The following SHANK1 variants were observed in gnomAD, a reference collection of about 807,000 sequenced individuals.
SHANK1 encodes SH3 and multiple ankyrin repeat domains protein 1.
In SHANK1, 35 loss-of-function variants were observed where a neutral mutation model predicts 165.6. The ratio of observed to expected loss-of-function variants is 0.21; its 90% CI spans 0.16 to 0.28. The LOEUF is 0.28. Ranked by LOEUF, SHANK1 falls within the 10% of genes least tolerant of loss-of-function variation. The probability of loss-of-function intolerance (pLI) is 1.00; values close to 1 mark genes in which losing one functional copy is unlikely to be tolerated. For synonymous variants in SHANK1, 1,428 were observed against 1,384.8 expected (o/e 1.03, Z -0.69); for missense variants, 2,681 against 3,036.4 (o/e 0.88, Z 2.75).
Position 50,686,410 on chromosome 19 carries a change from G to T in SHANK1, c.2459-55C>A. Reference sequence around the variant, plus strand: ...AAGACAATGAAATGAAGTTTGCTTTGACCCGGGCCGCAAAGACCAGAGCTG... The same window carrying T: ...AAGACAATGAAATGAAGTTTGCTTTTACCCGGGCCGCAAAGACCAGAGCTG... On this transcript the variant is annotated intron_variant, in intron 20 of 23. Transcript: ENST00000293441. This position sits in a 1 kb window ranked among gnomAD's most constrained non-coding sequence, Gnocchi z 5.7. The T allele has an allele frequency of 7.6e-7, 1 of 1,313,886 alleles. No homozygotes were observed. The highest frequency in any genetic ancestry group is 1.4e-5 in the South Asian group (1 of 72,562). 81.4% of individuals were successfully genotyped at this position (1,313,886 alleles called of 1,614,324 possible). A position where few individuals can be genotyped will look rare whatever the true frequency, so the allele number is the denominator to read the frequency against.
In SHANK1 at chr19:50,689,240, C is replaced by T; in HGVS notation, c.2004G>A (p.Lys668=). ...IIKEKTVLLQ[K]KDSEGFGFVL... ...CGAACCCAAACCCCTCACTGTCCTT[C>T]TTCTGCAGCAAGACTGTCTTCTCCT... Residue 668 remains lysine (K), a synonymous_variant, in exon 16 of 24, where the codon AAG becomes AAA. Coordinates refer to ENST00000293441, the MANE Select transcript of SHANK1 (RefSeq NM_016148.5). 1 of 1,612,284 alleles carries T rather than the reference C, an allele frequency of 6.2e-7. No homozygotes were observed. Among genetic ancestry groups the T allele is most frequent in the Non-Finnish European group, 8.5e-7 (1 of 1,179,098 alleles).
intron 8 of SHANK1, chr19:50,711,015 C>T (rs899983877): frequency 2.6e-5 from 5 of 191,956 alleles, no homozygotes; most frequent in Non-Finnish European, 5.4e-5. Context: ...AAGCCCAGTC[C>T]CAGATGTGGG....
Position 50,662,774 on chromosome 19 carries a change from AGAG to A in SHANK1, c.5769-95_5769-93del, listed in dbSNP as rs1285913847. ...GAGGCAGAGGTCAAGATATAGGGAG[AGAG>A]GAGGAGAGACATAAGGGTAGGGGGA... On this transcript the variant is annotated intron_variant, in intron 23 of 23. Transcript: ENST00000293441. This position sits in a 1 kb window ranked among gnomAD's most constrained non-coding sequence, Gnocchi z 7.7. 12 of 1,368,938 alleles carry A rather than the reference AGAG, an allele frequency of 8.8e-6. No individual in the cohort carries two copies. Among genetic ancestry groups the A allele is most frequent in the Middle Eastern group, 2.3e-4 (1 of 4,302 alleles). The allele number at this position is 1,368,938 out of a possible 1,614,324, so 84.8% of individuals were successfully genotyped here. A position where few individuals can be genotyped will look rare whatever the true frequency, so the allele number is the denominator to read the frequency against.
chr19:50,719,149 G>A (rs2089104514), intron 1 of SHANK1, among the ~76,000 whole-genome samples: 1 of 150,968 alleles, frequency 6.6e-6, no homozygotes, highest in East Asian at 2.0e-4. Flanking sequence ...GGCGGGTTCG[G>A]GATAGGGGCT....
intron 21 of SHANK1, among the ~76,000 whole-genome samples, chr19:50,674,441 C>G (rs181968902): frequency 5.3e-5 from 8 of 152,310 alleles, no homozygotes; most frequent in East Asian, 1.9e-4. Context: ...CACTATACCC[C>G]CTCCTGCCTC....
intron 15 of SHANK1, among the ~76,000 whole-genome samples, chr19:50,692,441 G>T (rs1986567581): frequency 7.6e-6 from 1 of 131,220 alleles, no homozygotes; most frequent in Admixed American, 7.3e-5. Flanking sequence ...TCAAAGCCAA[G>T]ATTTGAATTC....
intron 23 of SHANK1, among the ~76,000 whole-genome samples, chr19:50,665,890 G>A (rs971503291): frequency 3.5e-5 from 4 of 115,114 alleles, no homozygotes; most frequent in African/African-American, 1.2e-4. Flanking sequence ...AAAATTAGCT[G>A]GGTGTGGTGG....
At chr19:50,687,032 A>T in intron 19 of SHANK1, 1 of 1,484,962 alleles carries the variant, frequency 6.7e-7, no homozygotes, top group Non-Finnish European at 8.9e-7. Flanking sequence ...TTCTTCTTCC[A>T]GGGGGAGACT....
rs967090612 is a variant in SHANK1, at chr19:50,666,789, A to T, written c.5171T>A (p.Leu1724His). 19 of 1,551,214 alleles carry T rather than the reference A, an allele frequency of 1.2e-5. No homozygotes were observed. The Middle Eastern group carries it at 1.5e-3, about 125-fold the overall frequency. Reference sequence around the variant, plus strand: ...CAGGTAGGCCACATAGGTGTCCAGAAGCTCCGGCCCACTGGCCACACCGGC... The same window carrying T: ...CAGGTAGGCCACATAGGTGTCCAGATGCTCCGGCCCACTGGCCACACCGGC... ...AGAGVASGPE[L>H]LDTYVAYLDG... Residue 1724 changes from leucine (L) to histidine (H), a missense_variant, in exon 23 of 24, where the codon CTT (leucine) becomes CAT (histidine). Around this residue, in one of 10 missense-constraint regions of SHANK1, gnomAD observed 1,713 missense variants for 1,630.2 expected, o/e 1.05. Coordinates refer to ENST00000293441, the MANE Select transcript of SHANK1 (RefSeq NM_016148.5).
chr19:50,662,707 G>T lies in SHANK1; in HGVS notation c.5769-25C>A. The T allele has an allele frequency of 6.4e-7, 1 of 1,555,354 alleles. No individual in the cohort carries two copies. Among genetic ancestry groups the T allele is most frequent in the South Asian group, 1.2e-5 (1 of 84,298 alleles). ...TCTGGAATGTGACAAGGGGGCAGTG[G>T]GGGAGGACAGGGATTTAGGGGGCAA... is the stretch of plus-strand genomic sequence containing the variant. On this transcript the variant is annotated intron_variant, in intron 23 of 23. Coordinates refer to ENST00000293441, the MANE Select transcript of SHANK1 (RefSeq NM_016148.5). This position sits in a 1 kb window ranked among gnomAD's most constrained non-coding sequence, Gnocchi z 7.7.
rs2089079434 is a variant in SHANK1 at position 50,717,049 on chromosome 19, G to A, written c.-43-87C>T. ...CTATTCGGTGGTCAAGCGGTCAAGGGCAGCCTACCCCCACTGCCCAAGATA... is the reference window on the plus strand; with the variant it reads ...CTATTCGGTGGTCAAGCGGTCAAGGACAGCCTACCCCCACTGCCCAAGATA... On this transcript the variant is annotated intron_variant, in intron 1 of 23. Coordinates refer to ENST00000293441, the MANE Select transcript of SHANK1 (RefSeq NM_016148.5). This position sits in a 1 kb window ranked among gnomAD's most constrained non-coding sequence, Gnocchi z 5.5. 2.6e-6 allele frequency: 3 copies of A among 1,159,364 alleles called. No homozygotes were observed. The highest frequency in any genetic ancestry group is 2.9e-5 in the East Asian group (1 of 34,708). 71.8% of individuals were successfully genotyped at this position (1,159,364 alleles called of 1,614,324 possible). A position where few individuals can be genotyped will look rare whatever the true frequency, so the allele number is the denominator to read the frequency against.
Position 50,666,614 on chromosome 19 carries a change from G to T in SHANK1, c.5346C>A (p.Pro1782=). Residue 1782 remains proline, a synonymous_variant, in exon 23 of 24, where the codon CCC becomes CCA. Transcript: ENST00000293441. ...CTGTCACCGAGACGGTGGGGCTGGT[G>T]GGGGTAACAGGGTCTCGGAGTCCCC... is the stretch of plus-strand genomic sequence containing the variant. ...PSGGLRDPVT[P]TSPTVSVTGA... The T allele has an allele frequency of 6.3e-7, 1 of 1,599,776 alleles. No individual in the cohort carries two copies. The highest frequency in any genetic ancestry group is 8.5e-7 in the Non-Finnish European group (1 of 1,175,582).
chr19:50,659,780 C>A lies in SHANK1; in HGVS notation c.*2185G>T, dbSNP rs1474956266. On this transcript the variant is annotated 3_prime_UTR_variant, in exon 24 of 24. Transcript: ENST00000293441. The stretch of plus-strand genomic sequence containing the variant: ...CCACCCCGACCTCTCCTCCCCCCCC[C>A]ACCCCCTACACCCTCCCCAACCCCG... Among the ~76,000 whole-genome samples, 2 of 143,616 alleles carry A rather than the reference C, an allele frequency of 1.4e-5. No homozygotes were observed. The highest frequency in any genetic ancestry group is 4.1e-4 in the East Asian group (2 of 4,830). The allele number at this position is 143,616 out of a possible 152,430, so 94.2% of individuals were successfully genotyped here. A position where few individuals can be genotyped will look rare whatever the true frequency, so the allele number is the denominator to read the frequency against.
At chr19:50,700,169 A>T (rs1281758449) in intron 12 of SHANK1, among the ~76,000 whole-genome samples, 1 of 123,052 alleles carries the variant, frequency 8.1e-6, no homozygotes, top group Non-Finnish European at 1.6e-5. Flanking sequence ...GCACTGGAAG[A>T]TTGGAGGGCT....
In SHANK1 at chr19:50,687,864, C is replaced by T. The variant is rs904743283; in HGVS notation, c.2308+59G>A. On this transcript the variant is annotated intron_variant, in intron 18 of 23. Transcript: ENST00000293441. The stretch of plus-strand genomic sequence containing the variant: ...TGGGCAGCAGCAACCAGCCCTGGGG[C>T]TCCCGCAGGGCTGAGCCTGGTGGCA... The T allele has an allele frequency of 1.1e-5, 17 of 1,602,560 alleles. No individual in the cohort carries two copies. In the Admixed American group the frequency reaches 1.5e-4, roughly 14 times the overall value.
rs368345968 is a variant in SHANK1, at chr19:50,697,608, C to T, written c.1918G>A (p.Asp640Asn). The change falls in exon 14 of 24, where the codon GAC becomes AAC. Residue 640 changes from aspartate to asparagine, a missense_variant. Physicochemically the swap from Asp to Asn is conservative, Grantham distance 23. Coordinates refer to ENST00000293441, the MANE Select transcript of SHANK1 (RefSeq NM_016148.5). This position sits in a 1 kb window ranked among gnomAD's most constrained non-coding sequence, Gnocchi z 4.7. ...ATTTACCTTGGGGCATCAAAGCTGT[C>T]GTAGGAGCCCACGGTATAATGCCGG... ...LFRHYTVGSY[D>N]SFDAPSLMDG... 54 of 1,613,964 alleles carry T rather than the reference C, an allele frequency of 3.3e-5. 1 individual carries two copies. Among genetic ancestry groups the T allele is most frequent in the Non-Finnish European group, 4.3e-5 (51 of 1,179,910 alleles).
intron 22 of SHANK1, 49 bp from the exon 23 acceptor site, chr19:50,669,334 T>C: frequency 1.5e-5 from 19 of 1,266,262 alleles, no homozygotes; most frequent in Non-Finnish European, 2.0e-5. Context: ...GGGGAGGGTC[T>C]CCCTGCTCCA....
intron 15 of SHANK1, among the ~76,000 whole-genome samples, chr19:50,693,607 G>A (rs1986615740): frequency 6.7e-6 from 1 of 148,744 alleles, no homozygotes; most frequent in Non-Finnish European, 1.5e-5. Context: ...CACACCCAGG[G>A]TCCGCCAGCC....
rs2123195988 is a variant in SHANK1, at chr19:50,711,155, G to T, written c.1077+216C>A. 5 of 559,802 alleles carry T rather than the reference G, an allele frequency of 8.9e-6. No homozygotes were observed. The South Asian group carries it at 1.1e-4, about 12-fold the overall frequency. 34.7% of individuals were successfully genotyped at this position (559,802 alleles called of 1,614,324 possible). ...GTCCCCAGCACCCAGCTCCAGGCCT[G>T]ATACAGAGGAGCTCAGTAAATATCT... On this transcript the variant is annotated intron_variant, in intron 8 of 23. Coordinates refer to ENST00000293441, the MANE Select transcript of SHANK1 (RefSeq NM_016148.5).
Sources: gnomAD v4.1 joint callset for allele counts (sites outside exome capture counted in the v4.1 genomes callset) on GRCh38, gnomAD v4.1.1 for gene constraint, gnomAD v4.1.1 regional missense constraint, Gnocchi (gnomAD v3.1) non-coding constraint, MANE v1.5 for transcripts, NCBI Gene and HGNC (gene_info 2026-07-23, HGNC 2026-07-21) for gene names.